Variants in PIGK observed in about 807,000 individuals in gnomAD.
The protein encoded by PIGK is phosphatidylinositol glycan anchor biosynthesis class K, also known as GPI-anchor transamidase.
A neutral mutation model predicts 50.6 loss-of-function variants in PIGK; 42 were observed. The ratio of observed to expected loss-of-function variants is 0.83; its 90% CI spans 0.65 to 1.07. The LOEUF (loss-of-function observed/expected upper bound fraction) is 1.07. Ranked by LOEUF, PIGK falls within the 50% of genes least tolerant of loss-of-function variation. PIGK has a pLI of 0.00. For synonymous variants in PIGK, 151 were observed against 156.0 expected (o/e 0.97, Z 0.24); for missense variants, 448 against 488.7 (o/e 0.92, Z 0.78).
chr1:77,117,281 C>A (rs1428602442), intron 10 of PIGK, among the ~76,000 whole-genome samples: 2 of 152,088 alleles, frequency 1.3e-5, no homozygotes, highest in Non-Finnish European at 2.9e-5. Context: ...AGCTTCTTGA[C>A]AAAGGATGAA....
At chr1:77,151,155 T>C (rs1654886351) in intron 9 of PIGK, among the ~76,000 whole-genome samples, 1 of 151,970 alleles carries the variant, frequency 6.6e-6, no homozygotes, top group African/African-American at 2.4e-5. Flanking sequence ...TCCATCATGA[T>C]CAAGTGGGAT....
intron 8 of PIGK, among the ~76,000 whole-genome samples, chr1:77,158,908 C>T (rs1159948960): frequency 1.3e-5 from 2 of 152,106 alleles, no homozygotes; most frequent in Admixed American, 6.5e-5. Flanking sequence ...AATAAAAACC[C>T]ATTTTCTGAG....
At chr1:77,140,518 G>T (rs1245527324) in intron 9 of PIGK, among the ~76,000 whole-genome samples, 2 of 152,012 alleles carry the variant, frequency 1.3e-5, no homozygotes, top group East Asian at 3.9e-4. Context: ...CCAGTCTCAG[G>T]TATTTCTTTA....
intron 4 of PIGK, among the ~76,000 whole-genome samples, chr1:77,167,406 T>C (rs1401623124): frequency 6.6e-6 from 1 of 152,122 alleles, no homozygotes; most frequent in Non-Finnish European, 1.5e-5. Context: ...AAACTTTAAA[T>C]GCTATGTGAA....
At chr1:77,213,260 A>T (rs1656464308) in intron 1 of PIGK, among the ~76,000 whole-genome samples, 1 of 152,198 alleles carries the variant, frequency 6.6e-6, no homozygotes, top group Admixed American at 6.5e-5. Flanking sequence ...CAGATTACAC[A>T]TTCTTCTCGT....
intron 9 of PIGK, among the ~76,000 whole-genome samples, chr1:77,123,422 C>CA (rs1244086222): frequency 6.6e-5 from 10 of 151,848 alleles, no homozygotes; most frequent in Non-Finnish European, 1.0e-4. Flanking sequence ...GGCAGATATA[C>CA]AAAAAAAGAC....
At chr1:77,128,452 T>A (rs1403580971) in intron 9 of PIGK, among the ~76,000 whole-genome samples, 3 of 152,196 alleles carry the variant, frequency 2.0e-5, no homozygotes, top group Admixed American at 6.5e-5. Flanking sequence ...GTAAAGCTGA[T>A]ATAATAAAAT....
chr1:77,140,623 T>C (rs554752317), intron 9 of PIGK, among the ~76,000 whole-genome samples: 46 of 152,288 alleles, frequency 3.0e-4, no homozygotes, highest in African/African-American at 1.1e-3. Flanking sequence ...TACTCTTTTA[T>C]TACCAGAAGT....
chr1:77,204,130 T>C (rs768032640), intron 3 of PIGK, among the ~76,000 whole-genome samples: 3 of 152,098 alleles, frequency 2.0e-5, no homozygotes, highest in Admixed American at 6.6e-5. Flanking sequence ...CAAAAGTGAA[T>C]AGGAGAAATA....
At chr1:77,092,759 C>G (rs1653328720) in intron 10 of PIGK, among the ~76,000 whole-genome samples, 1 of 152,104 alleles carries the variant, frequency 6.6e-6, no homozygotes, top group Non-Finnish European at 1.5e-5. Context: ...ATCATACCAT[C>G]TATCCTCACT....
At chr1:77,142,575 C>T (rs1654671645) in intron 9 of PIGK, among the ~76,000 whole-genome samples, 1 of 152,132 alleles carries the variant, frequency 6.6e-6, no homozygotes, top group Non-Finnish European at 1.5e-5. Context: ...AATTGACTCA[C>T]ACTTCCACAT....
intron 3 of PIGK, among the ~76,000 whole-genome samples, chr1:77,171,869 T>C (rs1330207844): frequency 1.3e-5 from 2 of 152,116 alleles, no homozygotes; most frequent in Non-Finnish European, 2.9e-5. Context: ...CTTAAGCATA[T>C]AAATGCAAAC....
At chr1:77,156,986 A>T (rs1241314655) in intron 8 of PIGK, among the ~76,000 whole-genome samples, 1 of 152,214 alleles carries the variant, frequency 6.6e-6, no homozygotes, top group East Asian at 1.9e-4. Flanking sequence ...GGCAAGAGTT[A>T]TATGTTCACA....
At chr1:77,115,684 C>T (rs1348236911) in intron 10 of PIGK, among the ~76,000 whole-genome samples, 1 of 152,094 alleles carries the variant, frequency 6.6e-6, no homozygotes. Context: ...ACAGATGAAA[C>T]AAGACTTTGC....
intron 3 of PIGK, among the ~76,000 whole-genome samples, chr1:77,174,084 T>C (rs1393840972): frequency 6.6e-6 from 1 of 152,226 alleles, no homozygotes; most frequent in Non-Finnish European, 1.5e-5. Context: ...TTTACAATGG[T>C]GGCCTGAGTT....
At chr1:77,168,544 C>G (rs1383224852) in intron 4 of PIGK, among the ~76,000 whole-genome samples, 1 of 151,678 alleles carries the variant, frequency 6.6e-6, no homozygotes, top group Non-Finnish European at 1.5e-5. Flanking sequence ...GTGCCTAACA[C>G]CAGGCTCTAG....
intron 8 of PIGK, among the ~76,000 whole-genome samples, chr1:77,156,551 T>C (rs1256244437): frequency 6.6e-6 from 1 of 152,166 alleles, no homozygotes; most frequent in Non-Finnish European, 1.5e-5. Context: ...GCACATATTC[T>C]ATTTCCTTAG....
intron 3 of PIGK, among the ~76,000 whole-genome samples, chr1:77,203,572 A>G (rs1656218330): frequency 6.6e-6 from 1 of 152,162 alleles, no homozygotes; most frequent in African/African-American, 2.4e-5. Flanking sequence ...TCCCTGAGTC[A>G]ATATTTTCAA....
At chr1:77,137,538 C>T (rs1022078471) in intron 9 of PIGK, among the ~76,000 whole-genome samples, 4 of 151,838 alleles carry the variant, frequency 2.6e-5, no homozygotes, top group South Asian at 2.1e-4. Flanking sequence ...TCATGTAATC[C>T]TTGTGTAATC....
Sources: gnomAD v4.1 joint callset for allele counts (sites outside exome capture counted in the v4.1 genomes callset) on GRCh38, gnomAD v4.1.1 for gene constraint, MANE v1.5 for transcripts, NCBI Gene and HGNC (gene_info 2026-07-23, HGNC 2026-07-21) for gene names.